FOXP2: variants seen among roughly 807,000 people sequenced by gnomAD.
The protein encoded by FOXP2 is forkhead box protein P2.
FOXP2 carries 12 observed loss-of-function variants against 115.8 expected under a neutral mutation model. That is an observed-to-expected ratio of 0.10 (90% CI 0.07 to 0.17). FOXP2 has a LOEUF of 0.17. FOXP2 is among the 10% of genes least tolerant of loss of function. The pLI, the probability that FOXP2 is intolerant of heterozygous loss-of-function variation, is 1.00. For synonymous variants in FOXP2, 328 were observed against 297.7 expected, an observed-to-expected ratio of 1.10 and a Z score of -1.05; for missense variants, 629 against 843.5, an observed-to-expected ratio of 0.75 and a Z score of 3.15.
At chr7:114,658,009 T>C (rs1361579437) in intron 10 of FOXP2, 57 bp from the exon 11 acceptor site, 1 of 1,595,918 alleles carries the variant, frequency 6.3e-7, no homozygotes, top group Admixed American at 1.7e-5. Flanking sequence ...TCAAACCTTT[T>C]TAAGTCTTTT....
At chr7:114,393,124 G>T (rs1205564508) in intron 2 of FOXP2, among the ~76,000 whole-genome samples, 8 of 151,986 alleles carry the variant, frequency 5.3e-5, no homozygotes, top group Non-Finnish European at 1.0e-4. Context: ...AGAATATCAG[G>T]GTGATGTGCA....
Position 114,173,605 on chromosome 7 carries a change from AT to A in FOXP2, c.-102+10528del, listed in dbSNP as rs1049654991. 6.9e-3 allele frequency among the ~76,000 whole-genome samples: 1,010 copies of A among 145,988 alleles called. 9 individuals are homozygous for A. The highest frequency in any genetic ancestry group is 0.021 in the African/African-American group (856 of 40,236). On this transcript the variant is annotated intron_variant, in intron 1 of 17. Coordinates refer to the FOXP2 transcript ENST00000634411. ...AAATGCATCTGTTGCTATTGCATTTATTTTTTTTTTTGTTTCTCTGAAAACT... is the reference window on the plus strand; with the variant it reads ...AAATGCATCTGTTGCTATTGCATTTATTTTTTTTTTGTTTCTCTGAAAACT...
intron 1 of FOXP2, among the ~76,000 whole-genome samples, chr7:114,229,397 C>T (rs1378127567): frequency 6.6e-6 from 1 of 151,492 alleles, no homozygotes; most frequent in Non-Finnish European, 1.5e-5. Flanking sequence ...ACTTGAACCG[C>T]ACTGTATGGG....
intron 3 of FOXP2, among the ~76,000 whole-genome samples, chr7:114,551,114 T>C (rs1800184814): frequency 6.6e-6 from 1 of 152,198 alleles, no homozygotes; most frequent in Non-Finnish European, 1.5e-5. Context: ...ATGATTATCA[T>C]GCTCCAGAGG....
intron 2 of FOXP2, among the ~76,000 whole-genome samples, chr7:114,523,340 T>C (rs1312272805): frequency 1.3e-5 from 2 of 152,194 alleles, no homozygotes; most frequent in Non-Finnish European, 2.9e-5. Context: ...TTAGATGTTC[T>C]GAGCTCACTG....
chr7:114,690,129 C>CTTTTTTTTTTTTTTTTTTTTTT lies in FOXP2; in HGVS notation c.*220_*221insTTTTTTTTTTTTTTTTTTTTTT. On this transcript the variant is annotated 3_prime_UTR_variant, in exon 17 of 17. Transcript: ENST00000350908. Reference sequence around the variant, plus strand: ...TGCTTGTTTTCTTCTTCTTCTTCTTCTTTTTTTTTTTTTTTTTAGAAAAAA... The same window carrying CTTTTTTTTTTTTTTTTTTTTTT: ...TGCTTGTTTTCTTCTTCTTCTTCTTCTTTTTTTTTTTTTTTTTTTTTTTTTTTTTTTTTTTTTTTAGAAAAAA... 2 of 420,596 alleles carry CTTTTTTTTTTTTTTTTTTTTTT rather than the reference C, an allele frequency of 4.8e-6. No individual in the cohort carries two copies. Among genetic ancestry groups the CTTTTTTTTTTTTTTTTTTTTTT allele is most frequent in the Non-Finnish European group, 8.6e-6 (2 of 232,178 alleles). 26.1% of individuals were successfully genotyped at this position (420,596 alleles called of 1,614,324 possible).
chr7:114,183,188 T>C (rs1793501684), intron 1 of FOXP2, among the ~76,000 whole-genome samples: 1 of 152,116 alleles, frequency 6.6e-6, no homozygotes, highest in African/African-American at 2.4e-5. Context: ...CTTCATATAA[T>C]TTAAGTGTAT....
intron 3 of FOXP2, among the ~76,000 whole-genome samples, chr7:114,597,302 C>T (rs918932964): frequency 6.6e-6 from 1 of 152,046 alleles, no homozygotes; most frequent in Non-Finnish European, 1.5e-5. Context: ...CATACTTATA[C>T]AGTTCTTTGA....
chr7:114,618,524 C>T (rs757075670), intron 3 of FOXP2, among the ~76,000 whole-genome samples: 3 of 152,118 alleles, frequency 2.0e-5, no homozygotes, highest in Non-Finnish European at 2.9e-5. Flanking sequence ...TGGGATTTAA[C>T]AAGGACATAC....
At chr7:114,588,068 G>T (rs1376778358) in intron 3 of FOXP2, among the ~76,000 whole-genome samples, 2 of 151,880 alleles carry the variant, frequency 1.3e-5, no homozygotes, top group East Asian at 3.9e-4. Flanking sequence ...CCAGCACTTT[G>T]GGAGGCCGAG....
chr7:114,440,482 G>A (rs1273022384), intron 2 of FOXP2, among the ~76,000 whole-genome samples: 1 of 152,038 alleles, frequency 6.6e-6, no homozygotes, highest in African/African-American at 2.4e-5. Flanking sequence ...TCCTGAAGTC[G>A]TTATATTATC....
At chr7:114,325,659 A>C (rs1380280518) in intron 2 of FOXP2, among the ~76,000 whole-genome samples, 1 of 152,016 alleles carries the variant, frequency 6.6e-6, no homozygotes, top group Non-Finnish European at 1.5e-5. Flanking sequence ...TAAACAATGG[A>C]TCTAATCAAA....
intron 6 of FOXP2, among the ~76,000 whole-genome samples, chr7:114,641,208 T>G (rs943143305): frequency 5.9e-5 from 9 of 152,306 alleles, no homozygotes; most frequent in East Asian, 1.9e-4. Context: ...TCTATTAGTT[T>G]GTACTGAGGA....
intron 2 of FOXP2, among the ~76,000 whole-genome samples, chr7:114,336,170 A>T (rs1051326063): frequency 2.0e-5 from 3 of 151,584 alleles, no homozygotes; most frequent in Non-Finnish European, 4.4e-5. Flanking sequence ...TGATCAGTTT[A>T]TATTTGTTTT....
intron 2 of FOXP2, among the ~76,000 whole-genome samples, chr7:114,500,213 C>A (rs1455588162): frequency 8.2e-5 from 10 of 122,272 alleles, no homozygotes; most frequent in Non-Finnish European, 1.6e-5. Flanking sequence ...AAGACTCCAT[C>A]TCAAAAAAAA....
At chr7:114,680,293 T>G (rs965237926) in intron 16 of FOXP2, among the ~76,000 whole-genome samples, 3 of 152,236 alleles carry the variant, frequency 2.0e-5, no homozygotes, top group African/African-American at 7.2e-5. Context: ...TGAAGTCTTC[T>G]ATTTCATGGA....
intron 1 of FOXP2, among the ~76,000 whole-genome samples, chr7:114,132,196 CTTATT>C (rs1489934414): frequency 6.6e-6 from 1 of 152,104 alleles, no homozygotes; most frequent in Non-Finnish European, 1.5e-5. Flanking sequence ...GATACTTTAT[CTTATT>C]TTAGTTTAAA....
chr7:114,324,121 T>A (rs190574836), intron 2 of FOXP2, among the ~76,000 whole-genome samples: 3 of 152,032 alleles, frequency 2.0e-5, no homozygotes, highest in East Asian at 3.9e-4. Context: ...GGACCTTTTT[T>A]TCTTTAAATT....
At chr7:114,330,264 C>T (rs1209842020) in intron 2 of FOXP2, among the ~76,000 whole-genome samples, 1 of 151,838 alleles carries the variant, frequency 6.6e-6, no homozygotes, top group Non-Finnish European at 1.5e-5. Flanking sequence ...TGCATTCTAT[C>T]ATTAAAAAGT....
Sources: allele counts gnomAD v4.1 joint callset (sites outside exome capture counted in the v4.1 genomes callset), GRCh38; gene constraint gnomAD v4.1.1; transcripts MANE v1.5; gene names NCBI Gene and HGNC (gene_info 2026-07-23, HGNC 2026-07-21).